VAPB: variants seen among roughly 807,000 people sequenced by gnomAD.
The protein encoded by VAPB is VAMP associated protein B and C.
A neutral mutation model predicts 25.6 loss-of-function variants in VAPB; 7 were observed. That is an observed-to-expected ratio of 0.27 (90% CI 0.16 to 0.51). VAPB has a LOEUF of 0.51. Ranked by LOEUF, VAPB falls within the 20% of genes least tolerant of loss-of-function variation. The pLI, the probability that VAPB is intolerant of heterozygous loss-of-function variation, is 0.97. For missense variants in VAPB, 266 were observed against 301.3 expected (o/e 0.88, Z 0.87); for synonymous variants, 112 against 109.2 (o/e 1.03, Z -0.16).
intron 1 of VAPB, among the ~76,000 whole-genome samples, chr20:58,412,013 T>C (rs1237256740): frequency 6.6e-6 from 1 of 152,246 alleles, no homozygotes; most frequent in Non-Finnish European, 1.5e-5. Flanking sequence ...AAGAGTTCTT[T>C]GTATAGTTTG....
At chr20:58,425,347 G>T (rs983061096) in intron 2 of VAPB, among the ~76,000 whole-genome samples, 2 of 152,202 alleles carry the variant, frequency 1.3e-5, no homozygotes, top group African/African-American at 4.8e-5. Flanking sequence ...GCCAGCTGGT[G>T]GGGGTAAAGA....
At chr20:58,408,375 C>G (rs1988284927) in intron 1 of VAPB, among the ~76,000 whole-genome samples, 1 of 152,178 alleles carries the variant, frequency 6.6e-6, no homozygotes, top group Admixed American at 6.5e-5. Context: ...AAGAGCTATA[C>G]AATCAGGCTT....
intron 1 of VAPB, among the ~76,000 whole-genome samples, chr20:58,405,430 C>T (rs1988202777): frequency 2.0e-5 from 3 of 151,954 alleles, no homozygotes; most frequent in Admixed American, 1.3e-4. Flanking sequence ...AGATGGGAAG[C>T]CACAGAGGAA....
chr20:58,391,786 G>C (rs1443456562), intron 1 of VAPB, among the ~76,000 whole-genome samples: 1 of 152,182 alleles, frequency 6.6e-6, no homozygotes, highest in Admixed American at 6.5e-5. Flanking sequence ...GCCCTCCTTG[G>C]CCTCTCAAAG....
At chr20:58,432,538 G>A (rs17544336) in intron 2 of VAPB, 7,342 of 152,260 alleles carry the variant, frequency 0.048, 248 homozygotes, top group Non-Finnish European at 0.073. Flanking sequence ...AGCCAAGGAA[G>A]ACCTGAAATT....
chr20:58,398,699 G>A (rs762527704), intron 1 of VAPB, among the ~76,000 whole-genome samples: 12 of 152,188 alleles, frequency 7.9e-5, no homozygotes, highest in African/African-American at 1.2e-4. Flanking sequence ...TACACTGTGC[G>A]CTTGCCATTT....
At chr20:58,412,088 C>T (rs1330631349) in intron 1 of VAPB, among the ~76,000 whole-genome samples, 2 of 152,140 alleles carry the variant, frequency 1.3e-5, no homozygotes, top group Non-Finnish European at 2.9e-5. Context: ...GGCTTGTCTT[C>T]TGCAGAACAG....
intron 1 of VAPB, among the ~76,000 whole-genome samples, chr20:58,391,304 G>T (rs1987790523): frequency 6.6e-6 from 1 of 152,134 alleles, no homozygotes; most frequent in African/African-American, 2.4e-5. Context: ...TTAGGGAAGG[G>T]GGCAGATGAG....
intron 1 of VAPB, among the ~76,000 whole-genome samples, chr20:58,397,284 C>G (rs1339816563): frequency 1.3e-5 from 2 of 152,150 alleles, no homozygotes; most frequent in Non-Finnish European, 2.9e-5. Flanking sequence ...CGTTGGGAGG[C>G]TGAGGCAGGC....
intron 2 of VAPB, among the ~76,000 whole-genome samples, chr20:58,428,070 C>T (rs956923118): frequency 6.6e-6 from 1 of 152,166 alleles, no homozygotes; most frequent in African/African-American, 2.4e-5. Flanking sequence ...TTCTCAGAAG[C>T]AGCATTTAAC....
chr20:58,389,490 G>C lies in VAPB; in HGVS notation c.31G>C (p.Glu11Gln). The stretch of plus-strand genomic sequence containing the variant: ...GAAGGTGGAGCAGGTCCTGAGCCTC[G>C]AGCCGCAGCACGAGCTCAAATTCCG... The part of the protein sequence containing the change: MAKVEQVLSL[E>Q]PQHELKFRGP... Residue 11 changes from glutamate to glutamine, a missense_variant, in exon 1 of 6, where the codon GAG becomes CAG. This residue lies in a region of VAPB where 32 missense variants were observed against 23.5 expected (regional missense o/e 1.36). Coordinates refer to ENST00000475243, the MANE Select transcript of VAPB (RefSeq NM_004738.5). The C allele has an allele frequency of 6.3e-7, 1 of 1,595,462 alleles. No individual in the cohort carries two copies. Among genetic ancestry groups the C allele is most frequent in the Non-Finnish European group, 8.5e-7 (1 of 1,171,962 alleles).
rs1382932342 is a variant in VAPB at position 58,447,752 on chromosome 20, A to G, written c.*3517A>G. On this transcript the variant is annotated 3_prime_UTR_variant, in exon 6 of 6. Transcript: ENST00000475243. ...CGTGCCTATATTTTTTTGCATACAC[A>G]AATTTTTGTGTTTGCAAACTCAGAA... The G allele has an allele frequency of 2.2e-6, 1 of 453,792 alleles. No individual in the cohort carries two copies. Among genetic ancestry groups the G allele is most frequent in the South Asian group, 1.6e-5 (1 of 64,474 alleles). 28.1% of individuals were successfully genotyped at this position (453,792 alleles called of 1,614,324 possible). A position where few individuals can be genotyped will look rare whatever the true frequency, so the allele number is the denominator to read the frequency against.
At chr20:58,390,267 G>T (rs951064221) in intron 1 of VAPB, 1 of 152,190 alleles carries the variant, frequency 6.6e-6, no homozygotes, top group Admixed American at 6.5e-5. Context: ...CTTTTTCTCC[G>T]CAGAGCTGTC....
intron 1 of VAPB, among the ~76,000 whole-genome samples, chr20:58,402,558 C>A (rs972717460): frequency 2.3e-5 from 3 of 131,352 alleles, no homozygotes; most frequent in Admixed American, 1.5e-4. Flanking sequence ...CAAGCCCCCC[C>A]ACCCTTTTTT....
Position 58,447,208 on chromosome 20 carries a change from T to C in VAPB, c.*2973T>C. 2.2e-6 allele frequency: 1 copy of C among 454,098 alleles called. No individual in the cohort carries two copies. The highest frequency in any genetic ancestry group is 6.9e-5 in the East Asian group (1 of 14,396). 28.1% of individuals were successfully genotyped at this position (454,098 alleles called of 1,614,324 possible). A position where few individuals can be genotyped will look rare whatever the true frequency, so the allele number is the denominator to read the frequency against. Reference sequence around the variant, plus strand: ...GCGGTGACAGAATCCTGAAAGTTTTTATTGATTGAAGTTTTAAATTGGTAA... The same window carrying C: ...GCGGTGACAGAATCCTGAAAGTTTTCATTGATTGAAGTTTTAAATTGGTAA... On this transcript the variant is annotated 3_prime_UTR_variant, in exon 6 of 6. Coordinates refer to ENST00000475243, the MANE Select transcript of VAPB (RefSeq NM_004738.5).
chr20:58,396,379 T>C (rs2123020041), intron 1 of VAPB, among the ~76,000 whole-genome samples: 1 of 152,348 alleles, frequency 6.6e-6, no homozygotes, highest in South Asian at 2.1e-4. Context: ...CTTCAGCCTT[T>C]GCCCATCTGG....
chr20:58,405,267 G>C (rs985211149), intron 1 of VAPB, among the ~76,000 whole-genome samples: 1 of 152,102 alleles, frequency 6.6e-6, no homozygotes, highest in Non-Finnish European at 1.5e-5. Flanking sequence ...GGAAGGGCAG[G>C]TGCAAGGTGA....
rs750201291 is a variant in VAPB at position 58,446,579 on chromosome 20, T to C, written c.*2344T>C. 2.2e-6 allele frequency: 1 copy of C among 454,062 alleles called. No individual in the cohort carries two copies. The highest frequency in any genetic ancestry group is 1.6e-5 in the South Asian group (1 of 64,468). 28.1% of individuals were successfully genotyped at this position (454,062 alleles called of 1,614,324 possible). On this transcript the variant is annotated 3_prime_UTR_variant, in exon 6 of 6. Transcript: ENST00000475243. Reference sequence around the variant, plus strand: ...CTACTCTGTTTTAGACCTTTGAAGGTGATTTAGAGTTTTGTGTACATCTAG... The same window carrying C: ...CTACTCTGTTTTAGACCTTTGAAGGCGATTTAGAGTTTTGTGTACATCTAG...
intron 1 of VAPB, among the ~76,000 whole-genome samples, chr20:58,406,877 A>G (rs556318788): frequency 2.3e-4 from 35 of 152,290 alleles, no homozygotes; most frequent in African/African-American, 8.4e-4. Flanking sequence ...ATTTAGATAG[A>G]ATTTTATTTG....
Sources: allele counts gnomAD v4.1 joint callset (sites outside exome capture counted in the v4.1 genomes callset), GRCh38; gene constraint gnomAD v4.1.1; regional missense constraint gnomAD v4.1.1; transcripts MANE v1.5; gene names NCBI Gene and HGNC (gene_info 2026-07-23, HGNC 2026-07-21).